Variants in COL25A1 observed in about 807,000 individuals in gnomAD.
COL25A1 encodes the protein collagen alpha-1(XXV) chain.
Under a neutral mutation model 128.4 loss-of-function variants are expected in COL25A1, and 103 were observed. The observed-to-expected ratio is 0.80, with a 90% CI of 0.68 to 0.94. The LOEUF is 0.94. COL25A1 is among the 40% of genes least tolerant of loss of function. COL25A1 has a pLI of 0.00. For synonymous variants in COL25A1, 279 were observed against 277.2 expected (o/e 1.01, Z -0.06); for missense variants, 745 against 840.0 (o/e 0.89, Z 1.40).
At position 108,985,312 on chromosome 4, in the gene COL25A1, G is replaced by A. The variant is rs1165435046; in HGVS notation, c.439-10753C>T. 5.3e-5 allele frequency among the ~76,000 whole-genome samples: 8 copies of A among 152,096 alleles called. No individual in the cohort carries two copies. In the East Asian group the frequency reaches 1.5e-3, roughly 29 times the overall value. ...CTCTTCAATCATTCCCATTACCTTG[G>A]ATTCTCCTCCATGCTCTTCGAACAT... On this transcript the variant is annotated intron_variant, in intron 6 of 37. Transcript: ENST00000399132.
chr4:109,251,367 A>G (rs1294735070), intron 3 of COL25A1, among the ~76,000 whole-genome samples: 1 of 152,172 alleles, frequency 6.6e-6, no homozygotes, highest in Non-Finnish European at 1.5e-5. Flanking sequence ...TCATTCCTGA[A>G]GGATCTAGGC....
chr4:108,951,572 G>C (rs1034762930), intron 8 of COL25A1, among the ~76,000 whole-genome samples: 2 of 151,950 alleles, frequency 1.3e-5, no homozygotes, highest in African/African-American at 2.4e-5. Flanking sequence ...TTTTAGTAGA[G>C]ATGGGATTTC....
intron 3 of COL25A1, among the ~76,000 whole-genome samples, chr4:109,231,533 C>T (rs1779162437): frequency 6.6e-6 from 1 of 152,126 alleles, no homozygotes; most frequent in Non-Finnish European, 1.5e-5. Context: ...TGCAGAGAGG[C>T]AGTGGCTCTT....
chr4:109,294,725 T>G (rs748778107), intron 3 of COL25A1, among the ~76,000 whole-genome samples: 2 of 152,104 alleles, frequency 1.3e-5, no homozygotes, highest in African/African-American at 2.4e-5. Context: ...TATAAAGTGA[T>G]AGTATGAAAT....
chr4:109,001,500 C>A (rs188029179), intron 6 of COL25A1, among the ~76,000 whole-genome samples: 1 of 25,926 alleles, frequency 3.9e-5, no homozygotes, highest in East Asian at 2.3e-3. Context: ...ACTTGAATAC[C>A]TGTCAGTAAT....
intron 35 of COL25A1, among the ~76,000 whole-genome samples, chr4:108,821,792 T>C (rs1731794716): frequency 6.6e-6 from 1 of 152,166 alleles, no homozygotes. Context: ...AACCATGTCA[T>C]TGTGGGTATG....
At chr4:108,996,766 A>G (rs1754818149) in intron 6 of COL25A1, among the ~76,000 whole-genome samples, 2 of 152,228 alleles carry the variant, frequency 1.3e-5, no homozygotes, top group African/African-American at 4.8e-5. Flanking sequence ...CAGAAATCAC[A>G]ACAAGCTGTC....
rs545780766 is a variant in COL25A1, at chr4:109,112,574, T to C, written c.368-62395A>G. On this transcript the variant is annotated intron_variant, in intron 3 of 37. Coordinates refer to ENST00000399132, the MANE Select transcript of COL25A1 (RefSeq NM_198721.4). ...CAGATTTCATTTTTTATTTTTTCAA[T>C]ATATCTCCTCAGTTTATATTAAATG... 2.0e-5 allele frequency among the ~76,000 whole-genome samples: 3 copies of C among 152,184 alleles called. No homozygotes were observed. The South Asian group carries it at 6.2e-4, about 31-fold the overall frequency.
intron 18 of COL25A1, among the ~76,000 whole-genome samples, chr4:108,886,769 A>G (rs924135466): frequency 5.3e-5 from 8 of 152,080 alleles, no homozygotes; most frequent in African/African-American, 1.4e-4. Context: ...ACATATCTGT[A>G]TAAAGCTTAA....
chr4:108,854,982 T>G (rs1736304536), intron 24 of COL25A1, among the ~76,000 whole-genome samples: 1 of 152,152 alleles, frequency 6.6e-6, no homozygotes, highest in African/African-American at 2.4e-5. Flanking sequence ...ATTTTTGAAT[T>G]AACATTTTTC....
chr4:108,852,105 C>T, intron 26 of COL25A1, 131 bp downstream of exon 26: 1 of 644,892 alleles, frequency 1.6e-6, no homozygotes, highest in East Asian at 3.2e-5. Flanking sequence ...CTTTTCTTCG[C>T]TCTCTAAAAC....
At chr4:109,027,529 G>T (rs1758416043) in intron 5 of COL25A1, among the ~76,000 whole-genome samples, 1 of 152,002 alleles carries the variant, frequency 6.6e-6, no homozygotes, top group Admixed American at 6.6e-5. Context: ...CACAGAGAAA[G>T]GACACAATCT....
chr4:109,228,815 T>G (rs1026489602), intron 3 of COL25A1, among the ~76,000 whole-genome samples: 1 of 152,176 alleles, frequency 6.6e-6, no homozygotes, highest in African/African-American at 2.4e-5. Flanking sequence ...CCACTGAAGT[T>G]TTTGGTATAC....
chr4:109,097,514 G>A (rs930859476), intron 3 of COL25A1, among the ~76,000 whole-genome samples: 1 of 151,186 alleles, frequency 6.6e-6, no homozygotes, highest in Admixed American at 6.6e-5. Flanking sequence ...CTGGGAGTGT[G>A]AGGTGGGAGG....
intron 3 of COL25A1, among the ~76,000 whole-genome samples, chr4:109,081,107 T>C (rs114924147): frequency 3.0e-3 from 455 of 152,294 alleles, no homozygotes; most frequent in African/African-American, 0.011. Flanking sequence ...CAAGATACCA[T>C]CATAATTTAC....
Position 108,810,310 on chromosome 4 carries a change from T to G in COL25A1, c.*3617A>C, listed in dbSNP as rs1730691139. ...TTTGACAATTTTCTAAACTAGCACA[T>G]ATGTCTATATAGATAGATAGTTAGA... On this transcript the variant is annotated 3_prime_UTR_variant, in exon 38 of 38. Coordinates refer to ENST00000399132, the MANE Select transcript of COL25A1 (RefSeq NM_198721.4). The G allele has an allele frequency of 6.6e-6, 1 of 151,950 alleles. No homozygotes were observed. Among genetic ancestry groups the G allele is most frequent in the Non-Finnish European group, 1.5e-5 (1 of 67,842 alleles). The allele number at this position is 151,950 out of a possible 1,614,324, so 9.4% of individuals were successfully genotyped here. A position where few individuals can be genotyped will look rare whatever the true frequency, so the allele number is the denominator to read the frequency against.
At chr4:109,014,123 A>C (rs1756977301) in intron 5 of COL25A1, among the ~76,000 whole-genome samples, 1 of 152,158 alleles carries the variant, frequency 6.6e-6, no homozygotes, top group South Asian at 2.1e-4. Context: ...CCTGGCAAAT[A>C]TGGTGAAACC....
At chr4:109,069,879 A>C (rs1762766637) in intron 3 of COL25A1, among the ~76,000 whole-genome samples, 1 of 152,218 alleles carries the variant, frequency 6.6e-6, no homozygotes, top group South Asian at 2.1e-4. Context: ...TACTTACCTT[A>C]AATAGCTAAA....
intron 32 of COL25A1, among the ~76,000 whole-genome samples, chr4:108,829,457 T>C (rs963714767): frequency 6.6e-6 from 1 of 152,076 alleles, no homozygotes; most frequent in African/African-American, 2.4e-5. Context: ...TGTGTGTGTG[T>C]GTGTGCGCCC....
Sources: gnomAD v4.1 joint callset for allele counts (sites outside exome capture counted in the v4.1 genomes callset) on GRCh38, gnomAD v4.1.1 for gene constraint, MANE v1.5 for transcripts, NCBI Gene and HGNC (gene_info 2026-07-23, HGNC 2026-07-21) for gene names.